The following PRMT8 variants were observed in gnomAD, a reference collection of about 807,000 sequenced individuals.
PRMT8 encodes protein arginine methyltransferase 8.
PRMT8 carries 7 observed loss-of-function variants against 47.1 expected under a neutral mutation model. That is an observed-to-expected ratio of 0.15 (90% CI 0.08 to 0.28). PRMT8 has a LOEUF of 0.28. Ranked by LOEUF, PRMT8 falls within the 10% of genes least tolerant of loss-of-function variation. The pLI is 1.00. For missense variants in PRMT8, 237 were observed against 505.4 expected, an observed-to-expected ratio of 0.47 and a Z score of 5.09; for synonymous variants, 188 against 186.5, an observed-to-expected ratio of 1.01 and a Z score of -0.07.
intron 1 of PRMT8, among the ~76,000 whole-genome samples, chr12:3,477,633 G>A (rs974044777): frequency 6.6e-6 from 1 of 152,142 alleles, no homozygotes; most frequent in Admixed American, 6.5e-5. Context: ...CTTTTTGATA[G>A]TGTGCGCCAA....
intron 1 of PRMT8, among the ~76,000 whole-genome samples, chr12:3,525,949 CAACCATCACCACCACCCA>C (rs994117673): frequency 6.6e-6 from 1 of 152,154 alleles, no homozygotes; most frequent in Non-Finnish European, 1.5e-5. Context: ...CATTGCAGTG[CAACCATCACCACCACCCA>C]TCTCCAGAAC....
rs1591599303 is a variant in PRMT8, at chr12:3,553,714, A to G, written c.481A>G (p.Ile161Val). The G allele has an allele frequency of 6.3e-7, 1 of 1,582,092 alleles. No individual in the cohort carries two copies. Among genetic ancestry groups the G allele is most frequent in the Non-Finnish European group, 8.7e-7 (1 of 1,150,958 alleles). The change falls in exon 4 of 10, where the codon ATC becomes GTC. Residue 161 changes from isoleucine (I) to valine (V), a missense_variant and splice_region_variant. Physicochemically the swap from Ile to Val is conservative, Grantham distance 29. Around this residue, in one of 5 missense-constraint regions of PRMT8, gnomAD observed 151 missense variants for 341.1 expected, o/e 0.44. Coordinates refer to ENST00000382622, the MANE Select transcript of PRMT8 (RefSeq NM_019854.5). ...CATTAAGGCCAACCACTTGGACAAC[A>G]GTAAGACATACCTCTGAGTGTTTTC... ...KIIKANHLDN[I>V]ITIFKGKVEE...
intron 4 of PRMT8, among the ~76,000 whole-genome samples, chr12:3,556,961 G>T (rs1285528575): frequency 6.6e-6 from 1 of 152,182 alleles, no homozygotes; most frequent in Non-Finnish European, 1.5e-5. Flanking sequence ...CCATAGAAGT[G>T]GGGGAAAGTG....
At chr12:3,427,396 T>C (rs1326720326) in intron 1 of PRMT8, among the ~76,000 whole-genome samples, 1 of 152,162 alleles carries the variant, frequency 6.6e-6, no homozygotes, top group Admixed American at 6.5e-5. Flanking sequence ...ACAGAAAAAC[T>C]GGATGATACC....
In PRMT8 at chr12:3,546,592, T is replaced by A. The variant is rs569168355; in HGVS notation, c.262-3344T>A. Among the ~76,000 whole-genome samples the A allele has an allele frequency of 4.8e-4, 73 of 152,342 alleles. 1 individual carries two copies. The South Asian group carries it at 0.015, about 32-fold the overall frequency. ...TGACATTTTACATAAAATGGATACA[T>A]GCCTTGAAAAAATACCTTGTCAAAA... is the stretch of plus-strand genomic sequence containing the variant. On this transcript the variant is annotated intron_variant, in intron 2 of 9. Transcript: ENST00000382622.
At position 3,491,688 on chromosome 12, in the gene PRMT8, C is replaced by T. The variant is rs201374904; in HGVS notation, c.63C>T (p.Ala21=). The T allele has an allele frequency of 6.2e-7, 1 of 1,610,126 alleles. No homozygotes were observed. Among genetic ancestry groups the T allele is most frequent in the African/African-American group, 1.3e-5 (1 of 74,848 alleles). Residue 21 remains alanine (A), a synonymous_variant, in exon 1 of 10, where the codon GCC becomes GCT. Coordinates refer to ENST00000382622, the MANE Select transcript of PRMT8 (RefSeq NM_019854.5). Reference sequence around the variant, plus strand: ...GGAGGAAAATGGCGGAGAACGCGGCCGAGAGCACCGAGGTAAGGAGGCGAG... The same window carrying T: ...GGAGGAAAATGGCGGAGAACGCGGCTGAGAGCACCGAGGTAAGGAGGCGAG... ...LLRRKMAENA[A]ESTEVNSPPS...
At chr12:3,422,707 G>A (rs932665408) in intron 1 of PRMT8, among the ~76,000 whole-genome samples, 1 of 152,232 alleles carries the variant, frequency 6.6e-6, no homozygotes, top group Non-Finnish European at 1.5e-5. Context: ...GTCAGGGGTT[G>A]ATTTTTAACT....
chr12:3,477,953 T>A (rs1220224641), intron 1 of PRMT8, among the ~76,000 whole-genome samples: 1 of 152,218 alleles, frequency 6.6e-6, no homozygotes, highest in African/African-American at 2.4e-5. Context: ...GTATTCTGTA[T>A]AATCACAGTA....
intron 1 of PRMT8, among the ~76,000 whole-genome samples, chr12:3,479,431 A>AT (rs907968274): frequency 6.6e-6 from 1 of 152,058 alleles, no homozygotes; most frequent in Non-Finnish European, 1.5e-5. Context: ...GACTTGGCTA[A>AT]TTTTTTTTAG....
At chr12:3,427,562 A>G (rs999596566) in intron 1 of PRMT8, among the ~76,000 whole-genome samples, 30 of 151,708 alleles carry the variant, frequency 2.0e-4, no homozygotes, top group Admixed American at 2.0e-3. Flanking sequence ...CCAGAGGTAT[A>G]TTTTACTTTC....
chr12:3,577,082 C>A, intron 7 of PRMT8, 96 bp downstream of exon 7: 1 of 1,043,458 alleles, frequency 9.6e-7, no homozygotes, highest in Non-Finnish European at 1.5e-6. Flanking sequence ...CAGCCCCCAC[C>A]TGGTGAGGCA....
chr12:3,395,986 T>C (rs1591537403), intron 1 of PRMT8, among the ~76,000 whole-genome samples: 2 of 151,614 alleles, frequency 1.3e-5, no homozygotes, highest in African/African-American at 4.8e-5. Flanking sequence ...TTGTCTCTTT[T>C]GATCTTTGTT....
Position 3,453,844 on chromosome 12 carries a change from G to A in PRMT8, c.48+72402G>A, listed in dbSNP as rs148129558. On this transcript the variant is annotated intron_variant, in intron 1 of 9. Transcript: ENST00000452611. This position sits in a 1 kb window ranked among gnomAD's most constrained non-coding sequence, Gnocchi z 4.9. ...ATGCTAGGTCTGGGCTTCCGACGCC[G>A]GCCCTGCTCCGGCGATTGAAAATGA... is the stretch of plus-strand genomic sequence containing the variant. Among the ~76,000 whole-genome samples, 933 of 152,232 alleles carry A rather than the reference G, an allele frequency of 6.1e-3. 3 individuals are homozygous for A. The highest frequency in any genetic ancestry group is 0.011 in the Non-Finnish European group (735 of 68,020).
intron 2 of PRMT8, among the ~76,000 whole-genome samples, chr12:3,541,565 C>T (rs1175607444): frequency 1.3e-5 from 2 of 152,120 alleles, no homozygotes. Context: ...AAAATATGTC[C>T]GTGATCCTCT....
chr12:3,489,833 A>ATG (rs1565420463), upstream of PRMT8, among the ~76,000 whole-genome samples: 3 of 118,940 alleles, frequency 2.5e-5, no homozygotes, highest in East Asian at 2.7e-4. Context: ...ACACACACAC[A>ATG]CGCGCGCACA....
intron 2 of PRMT8, among the ~76,000 whole-genome samples, chr12:3,549,219 G>A (rs2137175072): frequency 6.6e-6 from 1 of 152,232 alleles, no homozygotes; most frequent in Non-Finnish European, 1.5e-5. Flanking sequence ...ATTTGTCAAA[G>A]CCCTTTTACT....
intron 1 of PRMT8, among the ~76,000 whole-genome samples, chr12:3,388,184 T>TC (rs1387747181): frequency 6.6e-6 from 1 of 152,072 alleles, no homozygotes; most frequent in Non-Finnish European, 1.5e-5. Flanking sequence ...TTCCCAGCCT[T>TC]CCCCCTCAAC....
chr12:3,384,245 C>T (rs1414704875), intron 1 of PRMT8, among the ~76,000 whole-genome samples: 1 of 151,376 alleles, frequency 6.6e-6, no homozygotes, highest in Non-Finnish European at 1.5e-5. Context: ...GCAAGTTCCC[C>T]TCTATTCCTT....
chr12:3,444,992 A>T (rs1565409331), intron 1 of PRMT8, among the ~76,000 whole-genome samples: 1 of 152,100 alleles, frequency 6.6e-6, no homozygotes, highest in Non-Finnish European at 1.5e-5. Flanking sequence ...GGTGATGGGG[A>T]AGGGAGGGCT....
Sources: allele counts gnomAD v4.1 joint callset (sites outside exome capture counted in the v4.1 genomes callset), GRCh38; gene constraint gnomAD v4.1.1; regional missense constraint gnomAD v4.1.1; non-coding constraint Gnocchi (gnomAD v3.1); transcripts MANE v1.5; gene names NCBI Gene and HGNC (gene_info 2026-07-23, HGNC 2026-07-21).